AQP9: variants seen among roughly 807,000 people sequenced by gnomAD.
AQP9 encodes aquaporin 9.
A neutral mutation model predicts 23.8 loss-of-function variants in AQP9; 19 were observed. The ratio of observed to expected loss-of-function variants is 0.80; its 90% CI spans 0.56 to 1.17. The LOEUF is 1.17. Ranked by LOEUF, AQP9 falls within the 50% of genes most tolerant of loss-of-function variation. The pLI, the probability that AQP9 is intolerant of heterozygous loss-of-function variation, is 0.00. For missense variants in AQP9, 413 were observed against 362.0 expected, an observed-to-expected ratio of 1.14 and a Z score of -1.14; for synonymous variants, 153 against 131.5, an observed-to-expected ratio of 1.16 and a Z score of -1.12.
At chr15:58,147,398 G>T (rs1313108852) in intron 1 of AQP9, among the ~76,000 whole-genome samples, 1 of 152,156 alleles carries the variant, frequency 6.6e-6, no homozygotes, top group Non-Finnish European at 1.5e-5. Context: ...GGCTGAAGCA[G>T]TTCAACCGTG....
chr15:58,138,383 A>C lies in AQP9; in HGVS notation c.-183A>C. 1.9e-6 allele frequency: 1 copy of C among 522,882 alleles called. No individual in the cohort carries two copies. The highest frequency in any genetic ancestry group is 2.9e-5 in the South Asian group (1 of 34,954). 32.4% of individuals were successfully genotyped at this position (522,882 alleles called of 1,614,324 possible). On this transcript the variant is annotated 5_prime_UTR_variant, in exon 1 of 6. Transcript: ENST00000219919. ...GCAGCGAACAGGGAATGACAGTTCCACCAGAAGACGATTAAGCCACAGCCT... is the reference window on the plus strand; with the variant it reads ...GCAGCGAACAGGGAATGACAGTTCCCCCAGAAGACGATTAAGCCACAGCCT...
At chr15:58,160,100 G>T (rs1379232119) in intron 1 of AQP9, among the ~76,000 whole-genome samples, 1 of 152,092 alleles carries the variant, frequency 6.6e-6, no homozygotes, top group Non-Finnish European at 1.5e-5. Context: ...TTCCATAGTG[G>T]CTATATTAGT....
intron 1 of AQP9, among the ~76,000 whole-genome samples, chr15:58,139,135 G>A (rs1213123944): frequency 1.3e-5 from 2 of 152,150 alleles, no homozygotes; most frequent in African/African-American, 4.8e-5. Flanking sequence ...AGTATGACAA[G>A]TACTTGACAA....
chr15:58,177,127 C>G (rs1202354212), intron 4 of AQP9, among the ~76,000 whole-genome samples: 1 of 152,222 alleles, frequency 6.6e-6, no homozygotes, highest in African/African-American at 2.4e-5. Flanking sequence ...CAACACCCAA[C>G]AGAGCTCTTG....
At chr15:58,182,348 G>A (rs950803505) in intron 5 of AQP9, among the ~76,000 whole-genome samples, 1 of 152,130 alleles carries the variant, frequency 6.6e-6, no homozygotes, top group African/African-American at 2.4e-5. Flanking sequence ...CACTATTTGT[G>A]TGCATATAGG....
At chr15:58,160,702 C>G (rs1168919197) in intron 1 of AQP9, among the ~76,000 whole-genome samples, 5 of 151,550 alleles carry the variant, frequency 3.3e-5, no homozygotes, top group East Asian at 3.9e-4. Context: ...TGCCACAAGA[C>G]AAGGTTGCAG....
intron 1 of AQP9, among the ~76,000 whole-genome samples, chr15:58,140,931 G>C (rs549929300): frequency 6.6e-6 from 1 of 152,142 alleles, no homozygotes; most frequent in African/African-American, 2.4e-5. Context: ...GTGCTAAAAG[G>C]TTGGGAACAG....
In AQP9 at chr15:58,185,043, G is replaced by A. The variant is rs1898991911; in HGVS notation, c.*908G>A. 3.3e-5 allele frequency: 5 copies of A among 152,256 alleles called. No individual in the cohort carries two copies. In the South Asian group the frequency reaches 1.0e-3, roughly 32 times the overall value. The allele number at this position is 152,256 out of a possible 1,614,324, so 9.4% of individuals were successfully genotyped here. On this transcript the variant is annotated 3_prime_UTR_variant, in exon 6 of 6. Coordinates refer to ENST00000219919, the MANE Select transcript of AQP9 (RefSeq NM_020980.5). ...CTAGAAGCCAAAACTGAAAGCCACT[G>A]GATCCTGGTCTAGCTGAATCTTCAG...
At chr15:58,172,261 C>T (rs1421326862) in intron 2 of AQP9, among the ~76,000 whole-genome samples, 1 of 152,192 alleles carries the variant, frequency 6.6e-6, no homozygotes, top group East Asian at 1.9e-4. Flanking sequence ...TCATTGGGTT[C>T]TTAAGAGGAT....
intron 1 of AQP9, chr15:58,154,068 C>T (rs2140598309): frequency 6.6e-6 from 1 of 152,252 alleles, no homozygotes; most frequent in Middle Eastern, 3.4e-3. Context: ...GTGTGACCAC[C>T]TTAGGCCTCT....
intron 1 of AQP9, among the ~76,000 whole-genome samples, chr15:58,146,402 T>C (rs1898045015): frequency 6.6e-6 from 1 of 152,174 alleles, no homozygotes; most frequent in Admixed American, 6.5e-5. Context: ...AACACGTTCA[T>C]TGAGTCTTTA....
chr15:58,157,972 T>C (rs1215553924), intron 1 of AQP9, among the ~76,000 whole-genome samples: 1 of 152,128 alleles, frequency 6.6e-6, no homozygotes, highest in East Asian at 1.9e-4. Context: ...AGGGTGACCA[T>C]ACTTATTGTT....
intron 4 of AQP9, 126 bp downstream of exon 4, chr15:58,175,162 G>C: frequency 1.1e-6 from 1 of 932,590 alleles, no homozygotes; most frequent in East Asian, 2.5e-5. Context: ...AGGTTGCTGG[G>C]CATAACCCAA....
At chr15:58,176,926 T>A (rs1898771738) in intron 4 of AQP9, among the ~76,000 whole-genome samples, 1 of 152,182 alleles carries the variant, frequency 6.6e-6, no homozygotes, top group Non-Finnish European at 1.5e-5. Flanking sequence ...TCCTTCATTG[T>A]GTCCTTGTCT....
chr15:58,163,008 AC>A (rs1412951127), intron 1 of AQP9, among the ~76,000 whole-genome samples: 1 of 152,218 alleles, frequency 6.6e-6, no homozygotes, highest in Non-Finnish European at 1.5e-5. Flanking sequence ...ATTCAGAGTT[AC>A]CATTGGTCTT....
At chr15:58,142,264 G>T (rs2063902) in intron 1 of AQP9, among the ~76,000 whole-genome samples, 1 of 152,222 alleles carries the variant, frequency 6.6e-6, no homozygotes, top group Non-Finnish European at 1.5e-5. Context: ...CAGATGGAGA[G>T]ACAAGTGTAA....
rs368658805 is a variant in AQP9 at position 58,175,155 on chromosome 15, T to C, written c.495+119T>C. 7.0e-6 allele frequency: 7 copies of C among 993,270 alleles called. No homozygotes were observed. In the East Asian group the frequency reaches 1.7e-4, roughly 24 times the overall value. The allele number at this position is 993,270 out of a possible 1,614,324, so 61.5% of individuals were successfully genotyped here. Reference sequence around the variant, plus strand: ...GAGATTATATTTCCAAAGGCAGAGGTTGCTGGGCATAACCCAAGCTTTCTT... The same window carrying C: ...GAGATTATATTTCCAAAGGCAGAGGCTGCTGGGCATAACCCAAGCTTTCTT... On this transcript the variant is annotated intron_variant, in intron 4 of 5. Transcript: ENST00000219919.
At chr15:58,166,617 A>G in intron 1 of AQP9, 56 bp from the exon 2 acceptor site, 16 of 1,539,794 alleles carry the variant, frequency 1.0e-5, no homozygotes, top group African/African-American at 1.4e-5. Flanking sequence ...GTGAGTTTCC[A>G]TTACTTTTGA....
At chr15:58,172,994 T>G in intron 2 of AQP9, 74 bp from the exon 3 acceptor site, 31 of 1,581,856 alleles carry the variant, frequency 2.0e-5, no homozygotes, top group Non-Finnish European at 2.5e-5. Flanking sequence ...GAATTCCACC[T>G]GAGGTCTCTA....
Sources: gnomAD v4.1 joint callset for allele counts (sites outside exome capture counted in the v4.1 genomes callset) on GRCh38, gnomAD v4.1.1 for gene constraint, MANE v1.5 for transcripts, NCBI Gene and HGNC (gene_info 2026-07-23, HGNC 2026-07-21) for gene names.